The following C2CD5 variants were observed in gnomAD, a reference collection of about 807,000 sequenced individuals.
C2CD5 encodes the protein C2 domain-containing protein 5.
In C2CD5, 109 loss-of-function variants were observed where a neutral mutation model predicts 130.3. That is an observed-to-expected ratio of 0.84 (90% CI 0.72 to 0.98). C2CD5 has a LOEUF of 0.98. Among genes scored for constraint, C2CD5 ranks in the 50% least tolerant of loss-of-function variants. The pLI is 0.00. For synonymous variants in C2CD5, 454 were observed against 429.2 expected (o/e 1.06, Z -0.71); for missense variants, 996 against 1,261.8 (o/e 0.79, Z 3.19).
intron 15 of C2CD5, chr12:22,478,082 G>A (rs1944132049): frequency 2.1e-6 from 1 of 477,434 alleles, no homozygotes; most frequent in Admixed American, 3.3e-5. Context: ...ATAAAAGAGG[G>A]AAAAGTCATA....
At chr12:22,535,957 T>C (rs1162510517) in intron 2 of C2CD5, among the ~76,000 whole-genome samples, 1 of 152,178 alleles carries the variant, frequency 6.6e-6, no homozygotes, top group Non-Finnish European at 1.5e-5. Context: ...CAATGGCATA[T>C]ATCAGCAGCA....
At chr12:22,503,743 C>T (rs1396377997) in intron 10 of C2CD5, among the ~76,000 whole-genome samples, 1 of 152,148 alleles carries the variant, frequency 6.6e-6, no homozygotes, top group Non-Finnish European at 1.5e-5. Context: ...AACCCCTGAG[C>T]TCATGCGATC....
intron 4 of C2CD5, among the ~76,000 whole-genome samples, chr12:22,526,522 T>C (rs1004047574): frequency 1.3e-5 from 2 of 152,182 alleles, no homozygotes; most frequent in African/African-American, 4.8e-5. Context: ...AAGAATCTGA[T>C]TTAAAACAAA....
At chr12:22,454,425 G>GATA (rs1218065033) in intron 25 of C2CD5, among the ~76,000 whole-genome samples, 2 of 152,046 alleles carry the variant, frequency 1.3e-5, no homozygotes, top group African/African-American at 4.8e-5. Flanking sequence ...AAGCCTAAAC[G>GATA]ATAAAACTTA....
At chr12:22,494,881 T>G (rs1946814317) in intron 10 of C2CD5, among the ~76,000 whole-genome samples, 1 of 152,044 alleles carries the variant, frequency 6.6e-6, no homozygotes, top group Non-Finnish European at 1.5e-5. Flanking sequence ...AAATACACTT[T>G]CAAATCCATA....
chr12:22,513,410 A>G (rs759745992), intron 8 of C2CD5, 31 bp from the exon 9 acceptor site: 181 of 1,404,892 alleles, frequency 1.3e-4, no homozygotes, highest in Admixed American at 1.2e-3. Flanking sequence ...AATAACAACC[A>G]AAAAAGCAAC....
chr12:22,487,279 T>C (rs1265520553), intron 12 of C2CD5, among the ~76,000 whole-genome samples: 3 of 152,044 alleles, frequency 2.0e-5, no homozygotes, highest in Non-Finnish European at 4.4e-5. Flanking sequence ...ACCTACAGAA[T>C]GGGAGAAAAT....
chr12:22,457,095 C>G lies in C2CD5; in HGVS notation c.2753G>C (p.Cys918Ser). 6.2e-7 allele frequency: 1 copy of G among 1,612,794 alleles called. No homozygotes were observed. The highest frequency in any genetic ancestry group is 1.1e-5 in the South Asian group (1 of 90,852). Residue 918 changes from cysteine to serine, a missense_variant, in exon 25 of 27, where the codon TGT becomes TCT. Cys to Ser is a moderately radical substitution (Grantham distance 112). Transcript: ENST00000446597. ...AACAACCCCAACTGTGGAATTTGCA[C>G]AAGGTGGAGCAGAACGATTCCGGAA... ...GNFRNRSAPP[C>S]ANSTVGVVKM... is the part of the protein sequence containing the mutation.
At chr12:22,487,807 G>A (rs1945747370) in intron 12 of C2CD5, among the ~76,000 whole-genome samples, 1 of 152,202 alleles carries the variant, frequency 6.6e-6, no homozygotes. Context: ...CAACCCAAAT[G>A]TCCAACAATG....
chr12:22,530,320 CTG>C (rs1464867109), intron 3 of C2CD5, among the ~76,000 whole-genome samples: 2 of 148,948 alleles, frequency 1.3e-5, no homozygotes, highest in African/African-American at 2.5e-5. Context: ...ATATATATAA[CTG>C]AATGCAATTA....
chr12:22,469,767 T>C lies in C2CD5; in HGVS notation c.2475A>G (p.Gln825=), dbSNP rs1942720158. The C allele has an allele frequency of 3.7e-6, 6 of 1,603,924 alleles. No homozygotes were observed. Among genetic ancestry groups the C allele is most frequent in the Middle Eastern group, 1.7e-4 (1 of 6,054 alleles). ...AATCTGAACACAGTTCCAGTGGAAATTGTAAAAGTTCTTCATTATCTGTTG... is the reference window on the plus strand; with the variant it reads ...AATCTGAACACAGTTCCAGTGGAAACTGTAAAAGTTCTTCATTATCTGTTG... ...RASTDNEELL[Q]FPLELCSDSL... The change falls in exon 22 of 27, where the codon CAA becomes CAG. Residue 825 remains glutamine (Q), a synonymous_variant. Coordinates refer to ENST00000446597, the MANE Select transcript of C2CD5 (RefSeq NM_001286176.2).
chr12:22,478,770 C>A (rs1410419422), intron 14 of C2CD5, among the ~76,000 whole-genome samples: 1 of 151,738 alleles, frequency 6.6e-6, no homozygotes, highest in Non-Finnish European at 1.5e-5. Flanking sequence ...CACTTGAACC[C>A]GGGAGGCAGA....
At position 22,523,536 on chromosome 12, in the gene C2CD5, G is replaced by C; in HGVS notation, c.690C>G (p.Gly230=). ...VGYLQCFDLE[G]ESGLVVRAIG... ...TGGCTCGCACCACTAACCCAGACTCGCCCTCCAGATCGAAACACTGTAAGT... is the reference window on the plus strand; with the variant it reads ...TGGCTCGCACCACTAACCCAGACTCCCCCTCCAGATCGAAACACTGTAAGT... Residue 230 remains glycine (G), a synonymous_variant, in exon 7 of 27, where the codon GGC becomes GGG. Coordinates refer to ENST00000446597, the MANE Select transcript of C2CD5 (RefSeq NM_001286176.2). The C allele has an allele frequency of 1.9e-6, 3 of 1,613,636 alleles. No individual in the cohort carries two copies. The highest frequency in any genetic ancestry group is 1.1e-5 in the South Asian group (1 of 91,062).
chr12:22,503,156 A>AT (rs1320230234), intron 10 of C2CD5, among the ~76,000 whole-genome samples: 3 of 152,170 alleles, frequency 2.0e-5, no homozygotes, highest in East Asian at 1.9e-4. Flanking sequence ...TTAAAATAAG[A>AT]TTTTTTCCCT....
chr12:22,529,638 A>G (rs1951032444), intron 3 of C2CD5, among the ~76,000 whole-genome samples: 1 of 152,208 alleles, frequency 6.6e-6, no homozygotes. Flanking sequence ...ATAAATTAAG[A>G]CTTTCTGAGA....
Position 22,517,107 on chromosome 12 carries a change from TCA to T in C2CD5, c.952+877_952+878del, listed in dbSNP as rs1468061495. 2.6e-5 allele frequency among the ~76,000 whole-genome samples: 4 copies of T among 151,978 alleles called. No homozygotes were observed. The South Asian group carries it at 8.3e-4, about 31-fold the overall frequency. On this transcript the variant is annotated intron_variant, in intron 8 of 26. Transcript: ENST00000446597. ...GGATTTAGACTTCTTTTCCTTGTTTTCACAAAATCTAGGATTGTTTTATAAAT... is the reference window on the plus strand; with the variant it reads ...GGATTTAGACTTCTTTTCCTTGTTTTCAAAATCTAGGATTGTTTTATAAAT...
intron 12 of C2CD5, 111 bp from the exon 13 acceptor site, chr12:22,484,999 C>T (rs1190389350): frequency 2.2e-6 from 1 of 460,390 alleles, no homozygotes; most frequent in African/African-American, 2.0e-5. Context: ...AACTATCCAA[C>T]TTCTACTGCT....
chr12:22,472,490 T>C (rs1457824196), intron 17 of C2CD5, 143 bp from the exon 18 acceptor site: 3 of 620,168 alleles, frequency 4.8e-6, no homozygotes, highest in Non-Finnish European at 5.7e-6. Flanking sequence ...CAGGAGACTT[T>C]AAACCATCCT....
intron 8 of C2CD5, 101 bp from the exon 9 acceptor site, chr12:22,513,480 A>C (rs1475736647): frequency 2.6e-6 from 2 of 778,888 alleles, no homozygotes; most frequent in Non-Finnish European, 4.6e-6. Flanking sequence ...AAATGTGATA[A>C]AATGATCGAA....
Sources: gnomAD v4.1 joint callset for allele counts (sites outside exome capture counted in the v4.1 genomes callset) on GRCh38, gnomAD v4.1.1 for gene constraint, MANE v1.5 for transcripts, NCBI Gene and HGNC (gene_info 2026-07-23, HGNC 2026-07-21) for gene names.